KTN1: variants seen among roughly 807,000 people sequenced by gnomAD.
KTN1 encodes the protein kinectin 1.
Under a neutral mutation model 222.5 loss-of-function variants are expected in KTN1, and 130 were observed. The observed-to-expected ratio is 0.58, with a 90% CI of 0.51 to 0.68. The LOEUF is 0.68. Among genes scored for constraint, KTN1 ranks in the 30% least tolerant of loss-of-function variants. The pLI, the probability that KTN1 is intolerant of heterozygous loss-of-function variation, is 0.00. For synonymous variants in KTN1, 512 were observed against 496.3 expected, an observed-to-expected ratio of 1.03 and a Z score of -0.42; for missense variants, 1,508 against 1,500.4, an observed-to-expected ratio of 1.01 and a Z score of -0.08.
At chr14:55,642,863 G>T (rs2041941831) in intron 18 of KTN1, among the ~76,000 whole-genome samples, 1 of 151,562 alleles carries the variant, frequency 6.6e-6, no homozygotes, top group Non-Finnish European at 1.5e-5. Context: ...AGGAGACAGT[G>T]CTGAAGGGAT....
At chr14:55,676,023 A>G (rs2045865110) in intron 41 of KTN1, 105 bp downstream of exon 41, 1 of 691,400 alleles carries the variant, frequency 1.4e-6, no homozygotes, top group South Asian at 2.1e-5. Flanking sequence ...TTTGCATCAT[A>G]ATATTAACCT....
intron 18 of KTN1, among the ~76,000 whole-genome samples, chr14:55,643,823 T>C (rs1318514899): frequency 6.6e-6 from 1 of 152,170 alleles, no homozygotes; most frequent in African/African-American, 2.4e-5. Context: ...ATATTATTGC[T>C]ATCTTATTAA....
intron 6 of KTN1, among the ~76,000 whole-genome samples, chr14:55,629,259 AC>A (rs2040223967): frequency 6.6e-6 from 1 of 151,990 alleles, no homozygotes; most frequent in African/African-American, 2.4e-5. Flanking sequence ...TAATAAAAAT[AC>A]AAAAAAAATT....
At position 55,672,657 on chromosome 14, in the gene KTN1, C is replaced by G. The variant is rs140569691; in HGVS notation, c.3559C>G (p.Gln1187Glu). The stretch of plus-strand genomic sequence containing the variant: ...GCAGTCATCATTTACATCTTCAGAA[C>G]AAGAGCTAGAGCGATTAAGAAGCGA... ...QMQSSFTSSEQELERLRSENK... is the reference protein window; with the variant it reads ...QMQSSFTSSEEELERLRSENK... Residue 1187 changes from glutamine (Q) to glutamate (E), a missense_variant, in exon 38 of 44, where the codon CAA becomes GAA. Coordinates refer to ENST00000395314, the MANE Select transcript of KTN1 (RefSeq NM_001079521.2). The G allele has an allele frequency of 2.7e-5, 43 of 1,607,502 alleles. No homozygotes were observed. In the African/African-American group the frequency reaches 5.3e-4, roughly 20 times the overall value.
At chr14:55,593,919 TC>T (rs2034592036) in intron 1 of KTN1, among the ~76,000 whole-genome samples, 2 of 152,144 alleles carry the variant, frequency 1.3e-5, no homozygotes, top group Non-Finnish European at 2.9e-5. Context: ...TGAACCTTGT[TC>T]TGTTTTGTTG....
chr14:55,647,991 A>G, intron 19 of KTN1, 34 bp from the exon 20 acceptor site: 1 of 809,856 alleles, frequency 1.2e-6, no homozygotes, highest in Non-Finnish European at 1.8e-6. Context: ...TTTGAAAAAT[A>G]GTTAATACAT....
At chr14:55,588,800 CTT>C (rs2033550541) in intron 1 of KTN1, among the ~76,000 whole-genome samples, 1 of 152,164 alleles carries the variant, frequency 6.6e-6, no homozygotes, top group Non-Finnish European at 1.5e-5. Flanking sequence ...TAAATTTTAA[CTT>C]TATTATTTGT....
Position 55,633,260 on chromosome 14 carries a change from A to G in KTN1, c.1247A>G (p.Glu416Gly). Residue 416 changes from glutamate (E) to glycine (G), a missense_variant, in exon 8 of 44, where the codon GAG becomes GGG. By Grantham distance (98) the Glu-to-Gly change is moderately conservative. Coordinates refer to ENST00000395314, the MANE Select transcript of KTN1 (RefSeq NM_001079521.2). ...TTTCAGCAAGTTCGTGAGCAGATGG[A>G]GGCAGAGATAGCTCACTTGAAGCAG... The part of the protein sequence containing the change: ...MKFQQVREQM[E>G]AEIAHLKQEN... 6.3e-7 allele frequency: 1 copy of G among 1,588,574 alleles called. No individual in the cohort carries two copies. Among genetic ancestry groups the G allele is most frequent in the Non-Finnish European group, 8.6e-7 (1 of 1,167,428 alleles).
At position 55,667,285 on chromosome 14, in the gene KTN1, A is replaced by C. The variant is rs549465591; in HGVS notation, c.3222A>C (p.Glu1074Asp). ...QVEAVELEAK[E>D]VLKKLFPKVS... ...AAGCTGTTGAGTTGGAGGCTAAAGA[A>C]GTTCTCAAAAAATTATTTCCAAAGG... The change falls in exon 34 of 44, where the codon GAA becomes GAC. Residue 1074 changes from glutamate (E) to aspartate (D), a missense_variant. Physicochemically the swap from Glu to Asp is conservative, Grantham distance 45. Coordinates refer to ENST00000395314, the MANE Select transcript of KTN1 (RefSeq NM_001079521.2). 1 of 1,607,924 alleles carries C rather than the reference A, an allele frequency of 6.2e-7. No individual in the cohort carries two copies. The highest frequency in any genetic ancestry group is 1.1e-5 in the South Asian group (1 of 90,244).
At chr14:55,678,284 A>C (rs2046056062) in intron 41 of KTN1, 68 bp from the exon 42 acceptor site, 5 of 956,808 alleles carry the variant, frequency 5.2e-6, no homozygotes, top group African/African-American at 3.3e-5. Context: ...AAAATGAATA[A>C]AATTATTCAT....
At chr14:55,644,281 C>T (rs2042077117) in intron 18 of KTN1, 1 of 585,936 alleles carries the variant, frequency 1.7e-6, no homozygotes, top group East Asian at 2.9e-5. Flanking sequence ...TTCCAAGTGA[C>T]AGTTGAGAGA....
At chr14:55,668,883 C>T (rs2045160130) in intron 34 of KTN1, 1 of 151,942 alleles carries the variant, frequency 6.6e-6, no homozygotes, top group African/African-American at 2.4e-5. Context: ...GGAGAGAAAA[C>T]TCCTTTGTTT....
chr14:55,669,460 T>G lies in KTN1; in HGVS notation c.3268-1269T>G, dbSNP rs75185870. 6.6e-3 allele frequency among the ~76,000 whole-genome samples: 1,002 copies of G among 152,096 alleles called. 12 individuals carry two copies. Among genetic ancestry groups the G allele is most frequent in the African/African-American group, 0.023 (942 of 41,548 alleles). ...AAGATTTGAAGGACAATAAACTATT[T>G]ATGTTATAAAATAATAAAGCAATAA... On this transcript the variant is annotated intron_variant, in intron 34 of 43. Transcript: ENST00000395314.
At chr14:55,619,411 T>G (rs2038829222) in intron 5 of KTN1, 99 bp downstream of exon 5, 2 of 1,098,096 alleles carry the variant, frequency 1.8e-6, no homozygotes, top group Admixed American at 4.0e-5. Context: ...CTCCCATCCT[T>G]AACATCTCAG....
chr14:55,656,377 A>G lies in KTN1; in HGVS notation c.2892+245A>G, dbSNP rs1479909125. 3 of 368,300 alleles carry G rather than the reference A, an allele frequency of 8.1e-6. No individual in the cohort carries two copies. In the East Asian group the frequency reaches 1.3e-4, roughly 16 times the overall value. 22.8% of individuals were successfully genotyped at this position (368,300 alleles called of 1,614,324 possible). A position where few individuals can be genotyped will look rare whatever the true frequency, so the allele number is the denominator to read the frequency against. On this transcript the variant is annotated intron_variant, in intron 29 of 43. Coordinates refer to ENST00000395314, the MANE Select transcript of KTN1 (RefSeq NM_001079521.2). ...ACTTGTATATTTTGCTTTCTTCACA[A>G]TTAACAGTGTTTTCAAGATCTTTCC... is the stretch of plus-strand genomic sequence containing the variant.
At chr14:55,633,893 C>T (rs1184874141) in intron 8 of KTN1, among the ~76,000 whole-genome samples, 1 of 152,122 alleles carries the variant, frequency 6.6e-6, no homozygotes, top group East Asian at 1.9e-4. Flanking sequence ...AATCCTGGCA[C>T]TTTGGGAGGC....
intron 43 of KTN1, 68 bp downstream of exon 43, chr14:55,679,753 CATAA>C: frequency 1.4e-6 from 2 of 1,448,756 alleles, no homozygotes; most frequent in African/African-American, 1.4e-5. Flanking sequence ...TGTGTATTTA[CATAA>C]ATAAACTCAC....
chr14:55,621,128 G>A (rs1431828579), intron 5 of KTN1, among the ~76,000 whole-genome samples: 1 of 152,158 alleles, frequency 6.6e-6, no homozygotes, highest in Non-Finnish European at 1.5e-5. Flanking sequence ...CATAGCAAGA[G>A]TCGCCTTTAC....
intron 28 of KTN1, 114 bp from the exon 29 acceptor site, chr14:55,655,928 A>T (rs533829771): frequency 3.7e-6 from 2 of 540,746 alleles, no homozygotes; most frequent in East Asian, 3.1e-5. Context: ...AATATGGGGG[A>T]AAAAAAGCTG....
Sources: allele counts gnomAD v4.1 joint callset (sites outside exome capture counted in the v4.1 genomes callset), GRCh38; gene constraint gnomAD v4.1.1; transcripts MANE v1.5; gene names NCBI Gene and HGNC (gene_info 2026-07-23, HGNC 2026-07-21).